The following EYA1 variants were observed in gnomAD, a reference collection of about 807,000 sequenced individuals.
EYA1 encodes the protein protein phosphatase EYA1.
In EYA1, 16 loss-of-function variants were observed where a neutral mutation model predicts 82.0. The ratio of observed to expected loss-of-function variants is 0.20; its 90% CI spans 0.13 to 0.30. The LOEUF (loss-of-function observed/expected upper bound fraction) is 0.30. Among genes scored for constraint, EYA1 ranks in the 10% least tolerant of loss-of-function variants. EYA1 has a pLI of 1.00. For synonymous variants in EYA1, 261 were observed against 264.4 expected (o/e 0.99, Z 0.12); for missense variants, 633 against 730.7 (o/e 0.87, Z 1.54).
chr8:71,388,723 G>A (rs1003541284), intron 2 of EYA1, among the ~76,000 whole-genome samples: 1 of 152,106 alleles, frequency 6.6e-6, no homozygotes, highest in Non-Finnish European at 1.5e-5. Context: ...TTTTGATCGG[G>A]AATAGGAAGT....
intron 2 of EYA1, among the ~76,000 whole-genome samples, chr8:71,485,897 AG>A (rs1288838197): frequency 6.6e-6 from 1 of 152,218 alleles, no homozygotes; most frequent in East Asian, 1.9e-4. Context: ...AATAAAAAAA[AG>A]TTATGTTTGA....
intron 1 of EYA1, among the ~76,000 whole-genome samples, chr8:71,546,994 C>T (rs1815667899): frequency 1.3e-5 from 2 of 152,194 alleles, no homozygotes; most frequent in African/African-American, 4.8e-5. Context: ...AAAGTGTTTA[C>T]ACAGCGGGCA....
intron 2 of EYA1, among the ~76,000 whole-genome samples, chr8:71,505,660 G>A (rs1812141386): frequency 6.6e-6 from 1 of 152,172 alleles, no homozygotes; most frequent in African/African-American, 2.4e-5. Flanking sequence ...AATTGCCACA[G>A]CCAGCTTGGA....
intron 9 of EYA1, among the ~76,000 whole-genome samples, chr8:71,274,924 ATGAG>A (rs1464389451): frequency 4.1e-4 from 35 of 85,464 alleles, no homozygotes; most frequent in Admixed American, 8.5e-4. Flanking sequence ...GAGAGAGAGA[ATGAG>A]AGCGAGTGAA....
At chr8:71,327,684 G>C (rs910745291) in intron 4 of EYA1, among the ~76,000 whole-genome samples, 1 of 152,014 alleles carries the variant, frequency 6.6e-6, no homozygotes, top group African/African-American at 2.4e-5. Flanking sequence ...GGCTTCCCTG[G>C]AAGAGTGAGA....
chr8:71,426,008 A>AT (rs1419843435), intron 2 of EYA1, among the ~76,000 whole-genome samples: 4 of 152,080 alleles, frequency 2.6e-5, no homozygotes, highest in African/African-American at 9.7e-5. Flanking sequence ...CCTTGTATTT[A>AT]TTTTTTCTGG....
At position 71,454,687 on chromosome 8, in the gene EYA1, T is replaced by C. The variant is rs186417647; in HGVS notation, c.33+81057A>G. Among the ~76,000 whole-genome samples the C allele has an allele frequency of 3.3e-3, 499 of 152,264 alleles. 4 individuals carry two copies. The highest frequency in any genetic ancestry group is 0.011 in the African/African-American group (469 of 41,546). ...AATGACTACTGGGTACATACTGAAA[T>C]GAAGGCAGAAATACAGATTTTCTTT... is the stretch of plus-strand genomic sequence containing the variant. On this transcript the variant is annotated intron_variant, in intron 2 of 18. Transcript: ENST00000643681.
At position 71,329,668 on chromosome 8, in the gene EYA1, C is replaced by T. The variant is rs546552701; in HGVS notation, c.202+4429G>A. ...TCGTTCATTCATGTTTTCTTTAATT[C>T]AAATATGTGGCACATATTAGGCAAA... On this transcript the variant is annotated intron_variant, in intron 4 of 17. Coordinates refer to ENST00000340726, the MANE Select transcript of EYA1 (RefSeq NM_000503.6). 7.9e-4 allele frequency among the ~76,000 whole-genome samples: 120 copies of T among 152,172 alleles called. 1 individual carries two copies. Among genetic ancestry groups the T allele is most frequent in the African/African-American group, 2.7e-3 (111 of 41,516 alleles).
At chr8:71,387,199 T>A (rs546179582) in intron 2 of EYA1, among the ~76,000 whole-genome samples, 12 of 152,044 alleles carry the variant, frequency 7.9e-5, no homozygotes, top group African/African-American at 2.9e-4. Flanking sequence ...CAGTCAGTGA[T>A]GAATGACTAC....
At chr8:71,392,015 C>CT (rs1224226574) in intron 2 of EYA1, among the ~76,000 whole-genome samples, 1 of 150,268 alleles carries the variant, frequency 6.7e-6, no homozygotes, top group Non-Finnish European at 1.5e-5. Context: ...AGCTCCTTGA[C>CT]TGGGGCCTGC....
Position 71,206,336 on chromosome 8 carries a change from C to T in EYA1, c.1698+4820G>A, listed in dbSNP as rs1483970939. Among the ~76,000 whole-genome samples the T allele has an allele frequency of 3.3e-5, 5 of 151,954 alleles. No homozygotes were observed. The East Asian group carries it at 9.7e-4, about 30-fold the overall frequency. On this transcript the variant is annotated intron_variant, in intron 17 of 17. Coordinates refer to ENST00000340726, the MANE Select transcript of EYA1 (RefSeq NM_000503.6). ...TCTGAGGCTCAGGTGATCCTCACAC[C>T]TCAGCCTCTCCAGTAGCTTAGGACT...
intron 7 of EYA1, among the ~76,000 whole-genome samples, chr8:71,314,047 C>G (rs1213779081): frequency 6.6e-6 from 1 of 152,034 alleles, no homozygotes; most frequent in African/African-American, 2.4e-5. Flanking sequence ...GCAAAAATAT[C>G]CCCCATATTG....
intron 2 of EYA1, among the ~76,000 whole-genome samples, chr8:71,502,497 ATAAAT>A (rs1379501510): frequency 6.6e-6 from 1 of 152,246 alleles, no homozygotes; most frequent in African/African-American, 2.4e-5. Context: ...TGAATTTCAG[ATAAAT>A]TAAATTTGAA....
chr8:71,328,179 T>C (rs1026473972), intron 4 of EYA1, among the ~76,000 whole-genome samples: 6 of 152,200 alleles, frequency 3.9e-5, no homozygotes, highest in Non-Finnish European at 5.9e-5. Context: ...TTTTAAGCCA[T>C]TGTGGAGAAG....
At chr8:71,380,352 C>T (rs4991760) in intron 2 of EYA1, among the ~76,000 whole-genome samples, 112,341 of 152,112 alleles carry the variant, frequency 0.74, 42,126 homozygotes, top group African/African-American at 0.85. Flanking sequence ...GGGAACTCCA[C>T]GTAGCTCATA....
chr8:71,514,684 A>T (rs2129259348), intron 2 of EYA1, among the ~76,000 whole-genome samples: 1 of 152,254 alleles, frequency 6.6e-6, no homozygotes, highest in Non-Finnish European at 1.5e-5. Flanking sequence ...AGAATAGCAC[A>T]GGAAAGATGG....
intron 9 of EYA1, among the ~76,000 whole-genome samples, chr8:71,272,679 C>T (rs1291486599): frequency 6.6e-6 from 1 of 152,190 alleles, no homozygotes; most frequent in Admixed American, 6.5e-5. Context: ...AGATGCTTAT[C>T]TTGTGTTCAG....
At chr8:71,529,910 AC>A (rs1226313702) in intron 2 of EYA1, 1 of 152,210 alleles carries the variant, frequency 6.6e-6, no homozygotes, top group Non-Finnish European at 1.5e-5. Context: ...ATTACTTGCA[AC>A]CACATAAACT....
rs759781016 is a variant in EYA1 at position 71,216,754 on chromosome 8, T to C, written c.1298A>G (p.Lys433Arg). 2 of 1,614,050 alleles carry C rather than the reference T, an allele frequency of 1.2e-6. No individual in the cohort carries two copies. Among genetic ancestry groups the C allele is most frequent in the African/African-American group, 1.3e-5 (1 of 74,936 alleles). The change falls in exon 14 of 18, where the codon AAG (lysine) becomes AGG (arginine). Residue 433 changes from lysine (K) to arginine (R), a missense_variant. Coordinates refer to ENST00000340726, the MANE Select transcript of EYA1 (RefSeq NM_000503.6). ...GVRGGVDWMR[K>R]LAFRYRRVKE... is the part of the protein sequence containing the mutation. ...TACCCGTCTGTAGCGGAAGGCCAAC[T>C]TTCTCATCCAGTCCACACCGCCCCG...
Sources: gnomAD v4.1 joint callset for allele counts (sites outside exome capture counted in the v4.1 genomes callset) on GRCh38, gnomAD v4.1.1 for gene constraint, MANE v1.5 for transcripts, NCBI Gene and HGNC (gene_info 2026-07-23, HGNC 2026-07-21) for gene names.